Variants in NPC1 observed in about 807,000 individuals in gnomAD.
NPC1 encodes the protein Niemann-Pick C1 protein.
NPC1 carries 85 observed loss-of-function variants against 140.4 expected under a neutral mutation model. That is an observed-to-expected ratio of 0.61 (90% CI 0.51 to 0.72). The LOEUF (loss-of-function observed/expected upper bound fraction) is 0.72, where lower values mean the gene tolerates loss of function less well. Among genes scored for constraint, NPC1 ranks in the 30% least tolerant of loss-of-function variants. The pLI, the probability that NPC1 is intolerant of heterozygous loss-of-function variation, is 0.00. For missense variants in NPC1, 1,504 were observed against 1,623.8 expected, an observed-to-expected ratio of 0.93 and a Z score of 1.27; for synonymous variants, 656 against 624.8, an observed-to-expected ratio of 1.05 and a Z score of -0.74.
rs1243937595 is a variant in NPC1, at chr18:23,584,979, C to G, written c.57+1308G>C. On this transcript the variant is annotated intron_variant, in intron 1 of 24. Coordinates refer to ENST00000269228, the MANE Select transcript of NPC1 (RefSeq NM_000271.5). The stretch of plus-strand genomic sequence containing the variant: ...GAAGGACTGCTTGAGGCCAGGAGTT[C>G]CAGGCTGCAGTGAGCTATGATGGCG... Among the ~76,000 whole-genome samples, 3 of 152,236 alleles carry G rather than the reference C, an allele frequency of 2.0e-5. No homozygotes were observed. The East Asian group carries it at 5.8e-4, about 29-fold the overall frequency.
In NPC1 at chr18:23,584,625, G is replaced by A. The variant is rs1378809998; in HGVS notation, c.57+1662C>T. ...TGGCTCACACCTGTAATCCCCAAAA[G>A]AGGAGGGCGGATCGCTAGAGGTCAG... On this transcript the variant is annotated intron_variant, in intron 1 of 24. Coordinates refer to ENST00000269228, the MANE Select transcript of NPC1 (RefSeq NM_000271.5). Among the ~76,000 whole-genome samples, 3 of 152,284 alleles carry A rather than the reference G, an allele frequency of 2.0e-5. No individual in the cohort carries two copies. The East Asian group carries it at 5.8e-4, about 29-fold the overall frequency.
At chr18:23,512,924 A>C (rs894155536) in intron 3 of NPC1, among the ~76,000 whole-genome samples, 1 of 152,028 alleles carries the variant, frequency 6.6e-6, no homozygotes, top group Non-Finnish European at 1.5e-5. Flanking sequence ...CAGCCCCAGC[A>C]ATCTCTATTT....
rs1434978376 is a variant in NPC1 at position 23,544,439 on chromosome 18, C to T, written c.2035G>A (p.Gly679Arg). 2 of 1,614,096 alleles carry T rather than the reference C, an allele frequency of 1.2e-6. No individual in the cohort carries two copies. The change falls in exon 13 of 25, where the codon GGG becomes AGG. Residue 679 changes from glycine to arginine, a missense_variant. Physicochemically the swap from Gly to Arg is moderately radical, Grantham distance 125 (BLOSUM62 -2). Coordinates refer to ENST00000269228, the MANE Select transcript of NPC1 (RefSeq NM_000271.5). ...ACSLGVFSYI[G>R]LPLTLIVIEV... is the part of the protein sequence containing the mutation. ...ATCACAATGAGGGTCAAGGGCAACCCAATGTAGCTGAAGACACCCAAGGAG... is the reference window on the plus strand; with the variant it reads ...ATCACAATGAGGGTCAAGGGCAACCTAATGTAGCTGAAGACACCCAAGGAG...
At chr18:23,520,160 C>T, downstream of NPC1, 1 of 1,488,876 alleles carries the variant, frequency 6.7e-7, no homozygotes, top group Non-Finnish European at 9.4e-7. Context: ...CTGGGCAAAC[C>T]ATGATTGATT....
At chr18:23,507,914 G>T in intron 3 of NPC1, 1 of 1,372,668 alleles carries the variant, frequency 7.3e-7, no homozygotes, top group Non-Finnish European at 1.0e-6. Context: ...TTGTCTTGTA[G>T]TATGCCAACG....
intron 10 of NPC1, among the ~76,000 whole-genome samples, chr18:23,548,574 T>C (rs2058822515): frequency 6.6e-6 from 1 of 152,178 alleles, no homozygotes; most frequent in Non-Finnish European, 1.5e-5. Context: ...AATACTATTC[T>C]GCACATTACA....
chr18:23,561,276 C>A, intron 5 of NPC1, 84 bp downstream of exon 5: 1 of 1,411,322 alleles, frequency 7.1e-7, no homozygotes, highest in Non-Finnish European at 1.0e-6. Flanking sequence ...TCTCCCCAAG[C>A]ACTGGTGAGC....
At chr18:23,547,103 C>A (rs1455479658) in intron 11 of NPC1, among the ~76,000 whole-genome samples, 3 of 152,076 alleles carry the variant, frequency 2.0e-5, no homozygotes, top group Non-Finnish European at 2.9e-5. Flanking sequence ...CAAGTGTGAA[C>A]CACCATTCCC....
At chr18:23,542,149 C>G (rs2058721434) in intron 14 of NPC1, among the ~76,000 whole-genome samples, 1 of 152,044 alleles carries the variant, frequency 6.6e-6, no homozygotes, top group Admixed American at 6.5e-5. Context: ...CCTACTCACT[C>G]CTACTGTCCC....
downstream of NPC1, chr18:23,528,624 T>G (rs1030104858): frequency 1.3e-5 from 2 of 153,666 alleles, no homozygotes; most frequent in Non-Finnish European, 2.9e-5. Flanking sequence ...TGTCCATTCC[T>G]ACGCTGCCAG....
intron 3 of NPC1, among the ~76,000 whole-genome samples, chr18:23,514,081 A>G (rs1279038000): frequency 6.6e-6 from 1 of 152,172 alleles, no homozygotes; most frequent in African/African-American, 2.4e-5. Flanking sequence ...AAGGGGAACT[A>G]ATTTAGAGGG....
At chr18:23,561,892 A>AAAGCTGGTTCCAGAAAACC (rs2059045373) in intron 4 of NPC1, among the ~76,000 whole-genome samples, 1 of 152,216 alleles carries the variant, frequency 6.6e-6, no homozygotes, top group Non-Finnish European at 1.5e-5. Flanking sequence ...TTCAGTTAAC[A>AAAGCTGGTTCCAGAAAACC]AAGCTGGTTC....
chr18:23,550,475 A>ATTTTTTTTTT (rs1491268509), intron 10 of NPC1, among the ~76,000 whole-genome samples: 5 of 53,502 alleles, frequency 9.3e-5, no homozygotes, highest in African/African-American at 2.0e-4. Context: ...CAGTTCTTAC[A>ATTTTTTTTTT]TTTCTTTTTT....
chr18:23,568,861 T>TTC lies in NPC1; in HGVS notation c.423_424dup (p.Lys142ArgfsTer80), dbSNP rs773941375. On this transcript the variant is annotated frameshift_variant, in exon 4 of 25. Transcript: ENST00000269228. LOFTEE classifies it high-confidence loss of function. ...CTGTCCGACGTAGTATTGTAACTCT[T>TTC]TCACATTTGTTTTCGTCTGGTTTGT... 17 of 1,614,010 alleles carry TTC rather than the reference T, an allele frequency of 1.1e-5. No homozygotes were observed. The highest frequency in any genetic ancestry group is 4.0e-5 in the African/African-American group (3 of 74,944).
Position 23,556,580 on chromosome 18 carries a change from G to A in NPC1, c.989C>T (p.Ala330Val), listed in dbSNP as rs2058955542. ...CAGCCGCCTCAAGCAGCCCTCAAAT[G>A]CTGCGCTGACAGGGTCACAGCAGGA... Reference protein sequence around the residue: ...EASCCDPVSAAFEGCLRRLFT... With the variant: ...EASCCDPVSAVFEGCLRRLFT... Residue 330 changes from alanine (A) to valine (V), a missense_variant, in exon 8 of 25, where the codon GCA becomes GTA. By Grantham distance (64) the Ala-to-Val change is moderately conservative. Coordinates refer to ENST00000269228, the MANE Select transcript of NPC1 (RefSeq NM_000271.5). The A allele has an allele frequency of 1.9e-6, 3 of 1,614,148 alleles. No individual in the cohort carries two copies. Among genetic ancestry groups the A allele is most frequent in the Non-Finnish European group, 2.5e-6 (3 of 1,180,016 alleles).
chr18:23,516,334 G>A, intron 3 of NPC1: 9 of 1,614,162 alleles, frequency 5.6e-6, no homozygotes, highest in Non-Finnish European at 6.8e-6. Context: ...GCACTATGTC[G>A]AAGCTGCCCA....
intron 3 of NPC1, among the ~76,000 whole-genome samples, chr18:23,569,217 A>G (rs2059168288): frequency 6.6e-6 from 1 of 152,248 alleles, no homozygotes; most frequent in Admixed American, 6.5e-5. Flanking sequence ...ATTGTGTCCA[A>G]TTATAATTTC....
chr18:23,573,707 T>A, intron 1 of NPC1, 133 bp from the exon 2 acceptor site: 2 of 1,015,926 alleles, frequency 2.0e-6, no homozygotes, highest in Non-Finnish European at 3.1e-6. Flanking sequence ...AACAGGCACT[T>A]AACATTTTGA....
chr18:23,558,875 C>T (rs1458490783), intron 6 of NPC1, among the ~76,000 whole-genome samples: 2 of 151,984 alleles, frequency 1.3e-5, no homozygotes, highest in Non-Finnish European at 2.9e-5. Flanking sequence ...CTCCCCCAGG[C>T]CCCCACCCCA....
Sources: gnomAD v4.1 joint callset for allele counts (sites outside exome capture counted in the v4.1 genomes callset) on GRCh38, gnomAD v4.1.1 for gene constraint, MANE v1.5 for transcripts, NCBI Gene and HGNC (gene_info 2026-07-23, HGNC 2026-07-21) for gene names.